RBM33: variants seen among roughly 807,000 people sequenced by gnomAD.
The protein encoded by RBM33 is RNA binding motif protein 33.
In RBM33, 28 loss-of-function variants were observed where a neutral mutation model predicts 132.6. That is an observed-to-expected ratio of 0.21 (90% CI 0.16 to 0.29). The LOEUF (loss-of-function observed/expected upper bound fraction) is 0.29, where lower values mean the gene tolerates loss of function less well. RBM33 is among the 10% of genes least tolerant of loss of function. The probability of loss-of-function intolerance (pLI) is 1.00; values close to 1 mark genes in which losing one functional copy is unlikely to be tolerated. For synonymous variants in RBM33, 634 were observed against 593.0 expected, an observed-to-expected ratio of 1.07 and a Z score of -1.01; for missense variants, 1,291 against 1,518.5, an observed-to-expected ratio of 0.85 and a Z score of 2.49.
In RBM33 at chr7:155,718,459, T is replaced by C; in HGVS notation, c.1260+16T>C. ...GAGATTCCCAGTGAGTAGCAGCTGC[T>C]CCTTCTCCTTTGATAGGGATGAGCA... On this transcript the variant is annotated intron_variant, in intron 9 of 17. Transcript: ENST00000401878. 6.2e-7 allele frequency: 1 copy of C among 1,610,632 alleles called. No individual in the cohort carries two copies.
chr7:155,745,635 A>C lies in RBM33; in HGVS notation c.2979+33A>C. 6.6e-7 allele frequency: 1 copy of C among 1,517,350 alleles called. No individual in the cohort carries two copies. The highest frequency in any genetic ancestry group is 2.2e-5 in the Admixed American group (1 of 45,768). 94.0% of individuals were successfully genotyped at this position (1,517,350 alleles called of 1,614,324 possible). A position where few individuals can be genotyped will look rare whatever the true frequency, so the allele number is the denominator to read the frequency against. The stretch of plus-strand genomic sequence containing the variant: ...GACAAGTTTTATGAGAGCCTCTTTG[A>C]GTCTGTGTATCACATAGAATGTCCT... On this transcript the variant is annotated intron_variant, in intron 14 of 17. Transcript: ENST00000401878. The surrounding 1 kb of genome is among the most constrained non-coding windows in gnomAD (Gnocchi z 4.1).
At chr7:155,763,305 G>C (rs994296301) in intron 14 of RBM33, among the ~76,000 whole-genome samples, 4 of 152,204 alleles carry the variant, frequency 2.6e-5, no homozygotes, top group South Asian at 4.1e-4. Flanking sequence ...GTATCCACAG[G>C]GGGTGGAAGG....
chr7:155,732,028 G>T (rs562065467), intron 9 of RBM33, among the ~76,000 whole-genome samples: 1 of 152,298 alleles, frequency 6.6e-6, no homozygotes, highest in East Asian at 1.9e-4. Flanking sequence ...GTGACAAAAG[G>T]CCAGCTACAG....
In RBM33 at chr7:155,644,888, C is replaced by T. The variant is rs1798129945; in HGVS notation, c.12C>T (p.Ala4=). 2.0e-6 allele frequency: 3 copies of T among 1,498,176 alleles called. No individual in the cohort carries two copies. Among genetic ancestry groups the T allele is most frequent in the East Asian group, 2.8e-5 (1 of 35,758 alleles). The allele number at this position is 1,498,176 out of a possible 1,614,324, so 92.8% of individuals were successfully genotyped here. A position where few individuals can be genotyped will look rare whatever the true frequency, so the allele number is the denominator to read the frequency against. MAA[A]LGASGGAGAG... ...GCCCCGCGAGTGCCATGGCGGCCGC[C>T]CTGGGAGCGAGCGGAGGAGCAGGCG... Residue 4 remains alanine (A), a synonymous_variant, in exon 1 of 18, where the codon GCC becomes GCT. Coordinates refer to ENST00000401878, the MANE Select transcript of RBM33 (RefSeq NM_053043.3).
In RBM33 at chr7:155,700,762, C is replaced by T; in HGVS notation, c.568-11C>T. ...ACTGTCCTTTTTTTGCCTTGTGTAT[C>T]TGCAATATAGGGAGGTATGGAAACA... On this transcript the variant is annotated splice_polypyrimidine_tract_variant and intron_variant, in intron 5 of 17. Transcript: ENST00000401878. The T allele has an allele frequency of 6.5e-7, 1 of 1,541,566 alleles. No individual in the cohort carries two copies. The highest frequency in any genetic ancestry group is 8.8e-7 in the Non-Finnish European group (1 of 1,141,588).
chr7:155,726,479 TGA>T (rs1298401907), intron 9 of RBM33, among the ~76,000 whole-genome samples: 1 of 152,142 alleles, frequency 6.6e-6, no homozygotes, highest in Non-Finnish European at 1.5e-5. Context: ...GAGAATTATA[TGA>T]GAGAATAATA....
intron 8 of RBM33, among the ~76,000 whole-genome samples, chr7:155,715,055 C>T (rs1800420422): frequency 6.6e-6 from 1 of 152,054 alleles, no homozygotes; most frequent in Non-Finnish European, 1.5e-5. Context: ...TCCCTGTGTT[C>T]CCCCAAAGTT....
rs1383099228 is a variant in RBM33, at chr7:155,775,209, C to T, written c.*168C>T. ...GCCACGGGCCTGATTCCAGAGGAGC[C>T]GAACTGACAGGACACAGCAGGCTGG... On this transcript the variant is annotated 3_prime_UTR_variant, in exon 18 of 18. Transcript: ENST00000401878. The T allele has an allele frequency of 1.1e-5, 8 of 717,814 alleles. No individual in the cohort carries two copies. The highest frequency in any genetic ancestry group is 5.4e-5 in the East Asian group (2 of 37,280). The allele number at this position is 717,814 out of a possible 1,614,324, so 44.5% of individuals were successfully genotyped here.
intron 6 of RBM33, among the ~76,000 whole-genome samples, chr7:155,701,877 G>T: frequency 6.6e-6 from 1 of 152,206 alleles, no homozygotes; most frequent in East Asian, 1.9e-4. Context: ...TAGTAGAGAC[G>T]GGGTTTCACC....
chr7:155,673,763 TGCGCGC>T (rs1799062668), intron 3 of RBM33, among the ~76,000 whole-genome samples: 3 of 39,302 alleles, frequency 7.6e-5, no homozygotes, highest in African/African-American at 2.0e-4. Flanking sequence ...TACGCGCGCA[TGCGCGC>T]ACACACACAC....
chr7:155,717,874 TG>T (rs1353716133), intron 8 of RBM33, among the ~76,000 whole-genome samples: 1 of 152,224 alleles, frequency 6.6e-6, no homozygotes, highest in Non-Finnish European at 1.5e-5. Context: ...GATTGTTTAG[TG>T]GAAAATTTTT....
chr7:155,648,769 A>G lies in RBM33; in HGVS notation c.43+3850A>G, dbSNP rs138453935. On this transcript the variant is annotated intron_variant, in intron 1 of 17. Transcript: ENST00000401878. Reference sequence around the variant, plus strand: ...TTGTAGGGCAGGTGTACTAATGACAAAGTCCCTTAGGTCATACCTGGGGAT... The same window carrying G: ...TTGTAGGGCAGGTGTACTAATGACAGAGTCCCTTAGGTCATACCTGGGGAT... 4.6e-3 allele frequency among the ~76,000 whole-genome samples: 695 copies of G among 152,282 alleles called. 8 individuals carry two copies. The highest frequency in any genetic ancestry group is 0.017 in the Middle Eastern group (5 of 294).
chr7:155,673,946 T>TTTTTTTGTTTTTTTTTTTTG (rs1563138350), intron 3 of RBM33, among the ~76,000 whole-genome samples: 2 of 25,764 alleles, frequency 7.8e-5, no homozygotes, highest in African/African-American at 3.2e-4. Context: ...CTTAGTTTTT[T>TTTTTTTGTTTTTTTTTTTTG]TTTTTTTTTT....
At chr7:155,683,084 A>G (rs915780901) in intron 5 of RBM33, among the ~76,000 whole-genome samples, 1 of 151,682 alleles carries the variant, frequency 6.6e-6, no homozygotes, top group Non-Finnish European at 1.5e-5. Flanking sequence ...GTTGAGCAGT[A>G]GTAGTTCAAT....
intron 8 of RBM33, among the ~76,000 whole-genome samples, chr7:155,714,500 A>G (rs1800402314): frequency 6.6e-6 from 1 of 152,088 alleles, no homozygotes; most frequent in South Asian, 2.1e-4. Flanking sequence ...GTTTATTCAG[A>G]CTGGAGCTGA....
At chr7:155,752,622 G>A (rs1801718774) in intron 14 of RBM33, among the ~76,000 whole-genome samples, 1 of 152,166 alleles carries the variant, frequency 6.6e-6, no homozygotes, top group South Asian at 2.1e-4. Flanking sequence ...GTTGAGAGCT[G>A]GGCAGAAACG....
rs184882116 is a variant in RBM33 at position 155,696,537 on chromosome 7, C to T, written c.568-4236C>T. Among the ~76,000 whole-genome samples, 220 of 152,162 alleles carry T rather than the reference C, an allele frequency of 1.4e-3. 4 individuals carry two copies. Among genetic ancestry groups the T allele is most frequent in the African/African-American group, 5.0e-3 (209 of 41,516 alleles). On this transcript the variant is annotated intron_variant, in intron 5 of 17. Transcript: ENST00000401878. Reference sequence around the variant, plus strand: ...TTCATCATTAAGTATGCTAGCTGTACGTTTTTATATCAGATTGAAGAAGGT... The same window carrying T: ...TTCATCATTAAGTATGCTAGCTGTATGTTTTTATATCAGATTGAAGAAGGT...
At chr7:155,689,742 G>C (rs568795565) in intron 5 of RBM33, among the ~76,000 whole-genome samples, 68 of 149,738 alleles carry the variant, frequency 4.5e-4, no homozygotes, top group Non-Finnish European at 7.4e-4. Flanking sequence ...CCAGTAGTCA[G>C]TCAGGAGCAG....
intron 8 of RBM33, among the ~76,000 whole-genome samples, chr7:155,711,816 TG>T (rs999989152): frequency 2.6e-5 from 4 of 152,228 alleles, no homozygotes; most frequent in Admixed American, 6.5e-5. Flanking sequence ...ATAGCCTTAT[TG>T]GGATGTAACC....
Sources: gnomAD v4.1 joint callset for allele counts (sites outside exome capture counted in the v4.1 genomes callset) on GRCh38, gnomAD v4.1.1 for gene constraint, Gnocchi (gnomAD v3.1) non-coding constraint, MANE v1.5 for transcripts, NCBI Gene and HGNC (gene_info 2026-07-23, HGNC 2026-07-21) for gene names.